The following DENND3 variants were observed in gnomAD, a reference collection of about 807,000 sequenced individuals.
DENND3 encodes DENN domain-containing protein 3.
In DENND3, 88 loss-of-function variants were observed where a neutral mutation model predicts 135.1. The ratio of observed to expected loss-of-function variants is 0.65; its 90% CI spans 0.55 to 0.78. DENND3 has a LOEUF of 0.78. DENND3 is among the 30% of genes least tolerant of loss of function. DENND3 has a pLI of 0.00. For missense variants in DENND3, 1,392 were observed against 1,688.4 expected, an observed-to-expected ratio of 0.82 and a Z score of 3.08; for synonymous variants, 693 against 712.3, an observed-to-expected ratio of 0.97 and a Z score of 0.43.
intron 16 of DENND3, 102 bp from the exon 17 acceptor site, chr8:141,180,645 T>G: frequency 8.8e-7 from 1 of 1,132,368 alleles, no homozygotes; most frequent in Non-Finnish European, 1.3e-6. Flanking sequence ...AAGTTTTACC[T>G]GCAAGCTGAT....
chr8:141,177,612 T>C (rs1822557905), intron 15 of DENND3: 1 of 153,132 alleles, frequency 6.5e-6, no homozygotes, highest in Admixed American at 6.5e-5. Context: ...CCTGTGGCTT[T>C]TAGACTAGCC....
intron 1 of DENND3, among the ~76,000 whole-genome samples, chr8:141,132,157 T>C (rs1286518589): frequency 2.6e-5 from 4 of 152,074 alleles, no homozygotes; most frequent in East Asian, 1.9e-4. Context: ...CCACATGAAG[T>C]AGTTAAAACA....
intron 8 of DENND3, among the ~76,000 whole-genome samples, chr8:141,158,770 A>T (rs546904335): frequency 2.2e-4 from 34 of 152,250 alleles, no homozygotes; most frequent in African/African-American, 7.9e-4. Context: ...TGCTGTCTTC[A>T]TCTCTGATGG....
In DENND3 at chr8:141,166,807, G is replaced by C. The variant is rs144435865; in HGVS notation, c.1753+418G>C. Reference sequence around the variant, plus strand: ...TGCCCTCGTGGAGCTGGCATTCCAGGGCCAGGGCTAAAGTGAGCAGGGCCA... The same window carrying C: ...TGCCCTCGTGGAGCTGGCATTCCAGCGCCAGGGCTAAAGTGAGCAGGGCCA... On this transcript the variant is annotated intron_variant, in intron 12 of 22. Coordinates refer to ENST00000519811, the MANE Select transcript of DENND3 (RefSeq NM_001352890.3). The surrounding 1 kb of genome is among the most constrained non-coding windows in gnomAD (Gnocchi z 4.3). Among the ~76,000 whole-genome samples, 1 of 152,284 alleles carries C rather than the reference G, an allele frequency of 6.6e-6. No homozygotes were observed. Among genetic ancestry groups the C allele is most frequent in the Non-Finnish European group, 1.5e-5 (1 of 68,016 alleles).
chr8:141,193,693 T>C, intron 22 of DENND3: 1 of 348,934 alleles, frequency 2.9e-6, no homozygotes, highest in Admixed American at 4.0e-5. Context: ...TACAAGGTGA[T>C]ATTTCAGTAT....
chr8:141,186,517 T>C (rs1315887805), intron 18 of DENND3, among the ~76,000 whole-genome samples: 2 of 152,212 alleles, frequency 1.3e-5, no homozygotes, highest in African/African-American at 4.8e-5. Flanking sequence ...TATGTTGAGT[T>C]TTTTTTGCAA....
chr8:141,139,758 A>C lies in DENND3; in HGVS notation c.502-1445A>C, dbSNP rs541406763. Among the ~76,000 whole-genome samples, 1 of 152,296 alleles carries C rather than the reference A, an allele frequency of 6.6e-6. No individual in the cohort carries two copies. Among genetic ancestry groups the C allele is most frequent in the East Asian group, 1.9e-4 (1 of 5,188 alleles). On this transcript the variant is annotated intron_variant, in intron 3 of 22. Transcript: ENST00000519811. The surrounding 1 kb of genome is among the most constrained non-coding windows in gnomAD (Gnocchi z 4.2). ...GGTTTGCATGAGTACAGCAGATGCC[A>C]CTGTTCCCAGTGTGCCGGCCTGGCG...
In DENND3 at chr8:141,160,698, G is replaced by A. The variant is rs556710877; in HGVS notation, c.1263G>A (p.Lys421=). Residue 421 remains lysine (K), a synonymous_variant, in exon 9 of 23, where the codon AAG becomes AAA. Coordinates refer to ENST00000519811, the MANE Select transcript of DENND3 (RefSeq NM_001352890.3). The part of the protein sequence containing the change: ...AAHLLSSTDL[K]EGRAHRRSWQ... ...ACCTCCTCTCCAGCACAGACCTGAA[G>A]GAGGGCCGAGCCCACCGGCGGTCCT... The A allele has an allele frequency of 1.0e-4, 165 of 1,613,456 alleles. 6 individuals are homozygous for A. The Middle Eastern group carries it at 1.2e-3, about 11-fold the overall frequency.
chr8:141,145,840 TATATATATATGTA>T (rs1342818368), intron 5 of DENND3, among the ~76,000 whole-genome samples: 15 of 82,776 alleles, frequency 1.8e-4, no homozygotes, highest in Middle Eastern at 5.3e-3. Flanking sequence ...TATATATATA[TATATATATATGTA>T]TTTTTTTTTT....
chr8:141,164,722 C>T lies in DENND3; in HGVS notation c.1450-464C>T, dbSNP rs563327948. Among the ~76,000 whole-genome samples the T allele has an allele frequency of 4.6e-5, 7 of 152,364 alleles. No individual in the cohort carries two copies. In the South Asian group the frequency reaches 1.4e-3, roughly 32 times the overall value. On this transcript the variant is annotated intron_variant, in intron 10 of 22. Coordinates refer to ENST00000519811, the MANE Select transcript of DENND3 (RefSeq NM_001352890.3). Reference sequence around the variant, plus strand: ...GCTCCCTGTATCATTCCCTCCTCTCCAGAGCCCTGCCCGAGGCTTCCAGCT... The same window carrying T: ...GCTCCCTGTATCATTCCCTCCTCTCTAGAGCCCTGCCCGAGGCTTCCAGCT...
In DENND3 at chr8:141,139,717, A is replaced by T. The variant is rs1162719352; in HGVS notation, c.502-1486A>T. Among the ~76,000 whole-genome samples, 1 of 152,206 alleles carries T rather than the reference A, an allele frequency of 6.6e-6. No individual in the cohort carries two copies. The highest frequency in any genetic ancestry group is 1.5e-5 in the Non-Finnish European group (1 of 68,050). On this transcript the variant is annotated intron_variant, in intron 3 of 22. Transcript: ENST00000519811. The surrounding 1 kb of genome is among the most constrained non-coding windows in gnomAD (Gnocchi z 4.2). ...CATTAAATATAATACATATTAAAAA[A>T]AGGAGCAGTCCCTCTGGTTTGCATG...
chr8:141,134,029 G>A (rs542435689), intron 1 of DENND3, among the ~76,000 whole-genome samples: 2 of 152,080 alleles, frequency 1.3e-5, no homozygotes, highest in Non-Finnish European at 2.9e-5. Context: ...AGAAGGGTCT[G>A]TAGGGGCCAG....
At chr8:141,163,488 A>G in intron 10 of DENND3, 59 bp downstream of exon 10, 1 of 1,156,854 alleles carries the variant, frequency 8.6e-7, no homozygotes, top group South Asian at 1.4e-5. Flanking sequence ...CCTTTTCTGT[A>G]TTTAAATACT....
chr8:141,151,038 C>T (rs1194727959), intron 6 of DENND3, 85 bp downstream of exon 6: 7 of 1,424,546 alleles, frequency 4.9e-6, no homozygotes, highest in African/African-American at 1.5e-5. Context: ...GATGAAGATG[C>T]GAGTTTATTC....
At position 141,182,390 on chromosome 8, in the gene DENND3, T is replaced by TGA; in HGVS notation, c.2944+1538_2944+1539dup. 2 of 985,196 alleles carry TGA rather than the reference T, an allele frequency of 2.0e-6. No individual in the cohort carries two copies. The highest frequency in any genetic ancestry group is 2.4e-6 in the Non-Finnish European group (2 of 829,674). 61.0% of individuals were successfully genotyped at this position (985,196 alleles called of 1,614,324 possible). A position where few individuals can be genotyped will look rare whatever the true frequency, so the allele number is the denominator to read the frequency against. Reference sequence around the variant, plus strand: ...GCAGCGTCATCAGGGCCGCCCCGCGTGAGCCCTACCTGATGTGTCTAAGCC... The same window carrying TGA: ...GCAGCGTCATCAGGGCCGCCCCGCGTGAGAGCCCTACCTGATGTGTCTAAGCC... On this transcript the variant is annotated intron_variant, in intron 17 of 22. Transcript: ENST00000519811. This position sits in a 1 kb window ranked among gnomAD's most constrained non-coding sequence, Gnocchi z 5.9.
rs1825228977 is a variant in DENND3 at position 141,195,501 on chromosome 8, TCCA to T, written c.*1270_*1272del. 1 of 152,136 alleles carries T rather than the reference TCCA, an allele frequency of 6.6e-6. No individual in the cohort carries two copies. The highest frequency in any genetic ancestry group is 2.4e-5 in the African/African-American group (1 of 41,420). The allele number at this position is 152,136 out of a possible 1,614,324, so 9.4% of individuals were successfully genotyped here. ...CCGGTTGGGTCTGCATTTTGGAGAG[TCCA>T]CACCACGGACCAGGTTTTCCCCCAA... On this transcript the variant is annotated 3_prime_UTR_variant, in exon 23 of 23. Coordinates refer to ENST00000519811, the MANE Select transcript of DENND3 (RefSeq NM_001352890.3).
chr8:141,184,967 A>G, intron 17 of DENND3, 172 bp from the exon 18 acceptor site: 3 of 755,282 alleles, frequency 4.0e-6, no homozygotes, highest in Non-Finnish European at 4.1e-6. Context: ...CTTGACTCTG[A>G]GCTCCCAGAG....
intron 18 of DENND3, among the ~76,000 whole-genome samples, chr8:141,185,971 C>G (rs183993903): frequency 2.4e-4 from 36 of 151,268 alleles, no homozygotes; most frequent in African/African-American, 8.5e-4. Context: ...GAGACAGGGT[C>G]TTGCTCTGTT....
chr8:141,179,919 C>T (rs1055248244), intron 16 of DENND3, among the ~76,000 whole-genome samples: 4 of 152,178 alleles, frequency 2.6e-5, no homozygotes, highest in African/African-American at 7.2e-5. Flanking sequence ...CGCAGGAGGT[C>T]GAGGCGCCCG....
Sources: allele counts gnomAD v4.1 joint callset (sites outside exome capture counted in the v4.1 genomes callset), GRCh38; gene constraint gnomAD v4.1.1; non-coding constraint Gnocchi (gnomAD v3.1); transcripts MANE v1.5; gene names NCBI Gene and HGNC (gene_info 2026-07-23, HGNC 2026-07-21).